Variants in PCDH9 observed in about 807,000 individuals in gnomAD.
PCDH9 encodes the protein protocadherin-9.
A neutral mutation model predicts 70.6 loss-of-function variants in PCDH9; 24 were observed. The ratio of observed to expected loss-of-function variants is 0.34; its 90% CI spans 0.25 to 0.48. The LOEUF (loss-of-function observed/expected upper bound fraction) is 0.48. Ranked by LOEUF, PCDH9 falls within the 20% of genes least tolerant of loss-of-function variation. The probability of loss-of-function intolerance (pLI) is 0.99; values close to 1 mark genes in which losing one functional copy is unlikely to be tolerated. For missense variants in PCDH9, 1,281 were observed against 1,503.6 expected, an observed-to-expected ratio of 0.85 and a Z score of 2.45; for synonymous variants, 562 against 558.5, an observed-to-expected ratio of 1.01 and a Z score of -0.09.
chr13:66,748,363 T>C (rs897963415), intron 3 of PCDH9, among the ~76,000 whole-genome samples: 1 of 152,204 alleles, frequency 6.6e-6, no homozygotes, highest in African/African-American at 2.4e-5. Context: ...GATTCATTCT[T>C]GAAGCAAATG....
At chr13:66,932,681 T>TATATATATATATATATATATACACAC (rs1313632174) in intron 2 of PCDH9, among the ~76,000 whole-genome samples, 1 of 114,816 alleles carries the variant, frequency 8.7e-6, no homozygotes, top group African/African-American at 3.4e-5. Flanking sequence ...TATATATATA[T>TATATATATATATATATATATACACAC]ACACACACAC....
intron 3 of PCDH9, among the ~76,000 whole-genome samples, chr13:66,850,079 C>T (rs1049001956): frequency 6.6e-6 from 1 of 151,852 alleles, no homozygotes; most frequent in Non-Finnish European, 1.5e-5. Flanking sequence ...TATAATAATA[C>T]AATTATTGTT....
chr13:67,212,723 G>C (rs139450090), intron 2 of PCDH9: 34 of 152,184 alleles, frequency 2.2e-4, no homozygotes, highest in African/African-American at 8.2e-4. Context: ...TGATAAGTTT[G>C]GATATCATCT....
chr13:66,647,852 C>A (rs749026495), intron 3 of PCDH9, among the ~76,000 whole-genome samples: 1 of 151,734 alleles, frequency 6.6e-6, no homozygotes, highest in Non-Finnish European at 1.5e-5. Flanking sequence ...CTCATACTCA[C>A]GAGCATTCAC....
chr13:66,728,459 C>T (rs1408065163), intron 3 of PCDH9, among the ~76,000 whole-genome samples: 1 of 152,028 alleles, frequency 6.6e-6, no homozygotes, highest in Non-Finnish European at 1.5e-5. Context: ...TAGTGCTGAC[C>T]ATAATTATTA....
intron 4 of PCDH9, among the ~76,000 whole-genome samples, chr13:66,406,803 C>T (rs763285893): frequency 1.3e-4 from 20 of 152,132 alleles, no homozygotes; most frequent in Non-Finnish European, 2.1e-4. Flanking sequence ...TTAATGACAG[C>T]AAGATGCATA....
At chr13:66,713,625 GTATATATATATA>G (rs67681559) in intron 3 of PCDH9, among the ~76,000 whole-genome samples, 2 of 110,012 alleles carry the variant, frequency 1.8e-5, no homozygotes, top group East Asian at 5.0e-4. Context: ...GTGTGTGTGT[GTATATATATATA>G]TATATATATA....
intron 4 of PCDH9, among the ~76,000 whole-genome samples, chr13:66,587,073 A>T (rs556394447): frequency 2.6e-5 from 4 of 152,228 alleles, no homozygotes; most frequent in African/African-American, 7.2e-5. Context: ...AAGCAAGAAG[A>T]TCACTTGAGC....
chr13:67,156,289 G>A (rs1258812202), intron 2 of PCDH9, among the ~76,000 whole-genome samples: 1 of 152,158 alleles, frequency 6.6e-6, no homozygotes, highest in African/African-American at 2.4e-5. Context: ...CGGATCAGCA[G>A]AAGAAGATAG....
At chr13:67,153,877 T>C (rs547952126) in intron 2 of PCDH9, among the ~76,000 whole-genome samples, 60 of 152,296 alleles carry the variant, frequency 3.9e-4, no homozygotes, top group African/African-American at 1.3e-3. Context: ...GGAAATCATG[T>C]TGCATAAATG....
chr13:66,457,232 T>G (rs1958334911), intron 4 of PCDH9, among the ~76,000 whole-genome samples: 1 of 152,130 alleles, frequency 6.6e-6, no homozygotes, highest in African/African-American at 2.4e-5. Context: ...CATATTCATA[T>G]GTATGAATGC....
intron 2 of PCDH9, among the ~76,000 whole-genome samples, chr13:66,951,638 C>T (rs2083182767): frequency 6.6e-6 from 1 of 152,130 alleles, no homozygotes; most frequent in Non-Finnish European, 1.5e-5. Context: ...TCGCTTCTAA[C>T]AGAGTCACTA....
chr13:66,529,309 G>A (rs981764242), intron 4 of PCDH9, among the ~76,000 whole-genome samples: 4 of 151,958 alleles, frequency 2.6e-5, no homozygotes, highest in African/African-American at 9.7e-5. Context: ...CCCCACTTAG[G>A]GGAATTGCAA....
At chr13:66,794,505 G>A (rs1455948404) in intron 3 of PCDH9, among the ~76,000 whole-genome samples, 2 of 152,158 alleles carry the variant, frequency 1.3e-5, no homozygotes, top group African/African-American at 2.4e-5. Context: ...TCTTGTCACT[G>A]AAGAGACGCA....
At chr13:66,623,032 C>T (rs1389830631) in intron 4 of PCDH9, among the ~76,000 whole-genome samples, 1 of 152,158 alleles carries the variant, frequency 6.6e-6, no homozygotes, top group East Asian at 1.9e-4. Context: ...CTCCTGAAGC[C>T]CGCGAGACCG....
intron 2 of PCDH9, among the ~76,000 whole-genome samples, chr13:67,150,916 C>T (rs925118931): frequency 6.6e-6 from 1 of 152,110 alleles, no homozygotes; most frequent in African/African-American, 2.4e-5. Flanking sequence ...CTTGTTTAAC[C>T]AACTTTGTAA....
intron 3 of PCDH9, among the ~76,000 whole-genome samples, chr13:66,897,909 G>T (rs925202609): frequency 6.6e-5 from 10 of 151,996 alleles, no homozygotes; most frequent in African/African-American, 2.4e-4. Flanking sequence ...TATTTTCCAG[G>T]TCAATCTTAC....
At chr13:66,744,969 T>C (rs1022379017) in intron 3 of PCDH9, among the ~76,000 whole-genome samples, 5 of 152,182 alleles carry the variant, frequency 3.3e-5, no homozygotes, top group African/African-American at 7.2e-5. Context: ...CATTCACCTA[T>C]ATGAAATGAG....
intron 4 of PCDH9, among the ~76,000 whole-genome samples, chr13:66,560,480 G>T (rs749548376): frequency 4.4e-4 from 67 of 152,186 alleles, no homozygotes; most frequent in Non-Finnish European, 8.1e-4. Flanking sequence ...TATGGCTTGA[G>T]TCCAGCATGT....
Sources: gnomAD v4.1 joint callset for allele counts (sites outside exome capture counted in the v4.1 genomes callset) on GRCh38, gnomAD v4.1.1 for gene constraint, MANE v1.5 for transcripts, NCBI Gene and HGNC (gene_info 2026-07-23, HGNC 2026-07-21) for gene names.